The following TSPAN9 variants were observed in gnomAD, a reference collection of about 807,000 sequenced individuals.
TSPAN9 encodes the protein tetraspanin-9.
Under a neutral mutation model 31.0 loss-of-function variants are expected in TSPAN9, and 16 were observed. The observed-to-expected ratio is 0.52, with a 90% CI of 0.35 to 0.78. The LOEUF is 0.78. Ranked by LOEUF, TSPAN9 falls within the 30% of genes least tolerant of loss-of-function variation. The pLI is 0.01. For synonymous variants in TSPAN9, 145 were observed against 121.6 expected (o/e 1.19, Z -1.27); for missense variants, 272 against 312.5 (o/e 0.87, Z 0.98).
At chr12:3,240,364 C>CTT (rs2098395982) in intron 3 of TSPAN9, among the ~76,000 whole-genome samples, 1 of 152,120 alleles carries the variant, frequency 6.6e-6, no homozygotes, top group Non-Finnish European at 1.5e-5. Context: ...GTGGATGGTC[C>CTT]TTGAGGCGTG....
At chr12:3,250,327 T>A (rs1373228028) in intron 3 of TSPAN9, among the ~76,000 whole-genome samples, 1 of 152,242 alleles carries the variant, frequency 6.6e-6, no homozygotes, top group East Asian at 1.9e-4. Flanking sequence ...TATTTCAGGA[T>A]CTGTTAGGCA....
chr12:3,177,649 C>T (rs2098356529), intron 2 of TSPAN9, among the ~76,000 whole-genome samples: 1 of 151,992 alleles, frequency 6.6e-6, no homozygotes, highest in Non-Finnish European at 1.5e-5. Context: ...GCCAAGCTGT[C>T]CTTGAACTTC....
chr12:3,229,723 A>G (rs1036532648), intron 3 of TSPAN9, among the ~76,000 whole-genome samples: 1 of 152,198 alleles, frequency 6.6e-6, no homozygotes, highest in Non-Finnish European at 1.5e-5. Context: ...TGAGAGGAAG[A>G]AGGCCTGCAG....
chr12:3,145,123 CA>C (rs2098336551), intron 2 of TSPAN9, among the ~76,000 whole-genome samples: 1 of 152,208 alleles, frequency 6.6e-6, no homozygotes, highest in Non-Finnish European at 1.5e-5. Context: ...TGTGAGCACA[CA>C]GTGCGTGCAG....
At chr12:3,279,873 C>G (rs1476570913) in intron 5 of TSPAN9, among the ~76,000 whole-genome samples, 1 of 152,202 alleles carries the variant, frequency 6.6e-6, no homozygotes, top group Non-Finnish European at 1.5e-5. Context: ...TCCCTTAATT[C>G]TAACAACAGC....
Position 3,280,543 on chromosome 12 carries a change from C to G in TSPAN9, c.432+60C>G, listed in dbSNP as rs1862875091. On this transcript the variant is annotated intron_variant, in intron 6 of 8. Coordinates refer to ENST00000011898, the MANE Select transcript of TSPAN9 (RefSeq NM_006675.5). This position sits in a 1 kb window ranked among gnomAD's most constrained non-coding sequence, Gnocchi z 4.5. ...GGAGGAGGGGTGGCGGCCGGTACTT[C>G]TAGCTGCCTTCCCCGGTGACCTGGC... The G allele has an allele frequency of 7.4e-6, 11 of 1,494,480 alleles. No individual in the cohort carries two copies. In the East Asian group the frequency reaches 2.1e-4, roughly 29 times the overall value. The allele number at this position is 1,494,480 out of a possible 1,614,324, so 92.6% of individuals were successfully genotyped here. A position where few individuals can be genotyped will look rare whatever the true frequency, so the allele number is the denominator to read the frequency against.
intron 2 of TSPAN9, among the ~76,000 whole-genome samples, chr12:3,136,728 C>A (rs908333813): frequency 1.3e-5 from 2 of 152,194 alleles, no homozygotes; most frequent in African/African-American, 4.8e-5. Context: ...AGCTGAAGCT[C>A]CTGCCCAGCC....
intron 3 of TSPAN9, among the ~76,000 whole-genome samples, chr12:3,249,222 C>T (rs370159570): frequency 8.5e-5 from 13 of 152,286 alleles, no homozygotes; most frequent in African/African-American, 2.6e-4. Flanking sequence ...CCTCCAGCTG[C>T]GAGTCTTTCT....
rs2098335616 is a variant in TSPAN9, at chr12:3,143,033, T to C, written c.-17-58144T>C. 6.6e-6 allele frequency among the ~76,000 whole-genome samples: 1 copy of C among 152,072 alleles called. No homozygotes were observed. On this transcript the variant is annotated intron_variant, in intron 2 of 8. Coordinates refer to ENST00000011898, the MANE Select transcript of TSPAN9 (RefSeq NM_006675.5). This position sits in a 1 kb window ranked among gnomAD's most constrained non-coding sequence, Gnocchi z 4.2. ...CTGCAGGACGGTTTTTCACTCTGGC[T>C]CTGTCTGGCATTTTCTCATGGTTAG... is the stretch of plus-strand genomic sequence containing the variant.
At chr12:3,235,652 G>A (rs1156317271) in intron 3 of TSPAN9, among the ~76,000 whole-genome samples, 1 of 152,160 alleles carries the variant, frequency 6.6e-6, no homozygotes, top group Non-Finnish European at 1.5e-5. Context: ...GGTGTCGACT[G>A]CATCCTGTCT....
intron 3 of TSPAN9, among the ~76,000 whole-genome samples, chr12:3,231,715 GC>G (rs1454848570): frequency 6.6e-6 from 1 of 152,260 alleles, no homozygotes; most frequent in Admixed American, 6.5e-5. Context: ...TGGGCGGGCG[GC>G]GCCTTCAGAT....
chr12:3,265,108 A>G (rs1271256460), intron 3 of TSPAN9, among the ~76,000 whole-genome samples: 1 of 152,186 alleles, frequency 6.6e-6, no homozygotes, highest in Non-Finnish European at 1.5e-5. Context: ...TGCTGGGCTC[A>G]GGGCAGATGT....
chr12:3,281,201 C>T lies in TSPAN9; in HGVS notation c.436C>T (p.Arg146Ter), dbSNP rs753953487. 4 of 1,550,970 alleles carry T rather than the reference C, an allele frequency of 2.6e-6. No individual in the cohort carries two copies. The highest frequency in any genetic ancestry group is 1.2e-5 in the South Asian group (1 of 84,030). The change falls in exon 7 of 9, where the codon CGA (arginine) becomes TGA (stop). Residue 146 changes from arginine to a stop codon, truncating the protein, a stop_gained. Transcript: ENST00000011898. LOFTEE classifies it high-confidence loss of function. ...NAWNIIQAEM[R>*]CCGVTDYTDW... ...CCCTTCCATTCCTGCTGGCCAGATG[C>T]GATGCTGTGGTGTCACTGACTACAC...
chr12:3,255,359 G>A (rs1862326306), intron 3 of TSPAN9, among the ~76,000 whole-genome samples: 2 of 152,242 alleles, frequency 1.3e-5, no homozygotes, highest in South Asian at 4.1e-4. Context: ...AATCTCCCCA[G>A]CAGCTGACTG....
At chr12:3,120,678 G>A (rs530456320) in intron 2 of TSPAN9, among the ~76,000 whole-genome samples, 2 of 152,254 alleles carry the variant, frequency 1.3e-5, no homozygotes, top group Non-Finnish European at 2.9e-5. Context: ...CTTGGCACGG[G>A]CCTGGGCCAG....
chr12:3,242,747 TGGAGCC>T (rs2098397238), intron 3 of TSPAN9, among the ~76,000 whole-genome samples: 1 of 152,248 alleles, frequency 6.6e-6, no homozygotes, highest in African/African-American at 2.4e-5. Context: ...GAACATATTG[TGGAGCC>T]TTGGACGCAT....
rs1332775886 is a variant in TSPAN9 at position 3,198,819 on chromosome 12, T to C, written c.-17-2358T>C. Among the ~76,000 whole-genome samples the C allele has an allele frequency of 5.1e-5, 3 of 59,058 alleles. 1 individual carries two copies. Among genetic ancestry groups the C allele is most frequent in the Admixed American group, 4.4e-4 (2 of 4,498 alleles). The allele number at this position is 59,058 out of a possible 152,430, so 38.7% of individuals were successfully genotyped here. ...CCAGCACAGGTCACACCAGCACAGC[T>C]CACCACCAGCACAGGTCACACCAGC... On this transcript the variant is annotated intron_variant, in intron 2 of 8. Transcript: ENST00000011898.
At chr12:3,197,926 T>C (rs111170717) in intron 2 of TSPAN9, among the ~76,000 whole-genome samples, 21 of 21,078 alleles carry the variant, frequency 1.0e-3, no homozygotes, top group African/African-American at 4.0e-3. Flanking sequence ...CCAGCACAGG[T>C]CACCACCAGC....
chr12:3,155,261 T>C (rs1005969775), intron 2 of TSPAN9, among the ~76,000 whole-genome samples: 1 of 151,996 alleles, frequency 6.6e-6, no homozygotes, highest in Non-Finnish European at 1.5e-5. Flanking sequence ...GTGATGAAAT[T>C]AATAAAAATC....
Sources: allele counts gnomAD v4.1 joint callset (sites outside exome capture counted in the v4.1 genomes callset), GRCh38; gene constraint gnomAD v4.1.1; non-coding constraint Gnocchi (gnomAD v3.1); transcripts MANE v1.5; gene names NCBI Gene and HGNC (gene_info 2026-07-23, HGNC 2026-07-21).